Variants in SLC4A4 observed in about 807,000 individuals in gnomAD.
SLC4A4 encodes electrogenic sodium bicarbonate cotransporter 1.
SLC4A4 carries 27 observed loss-of-function variants against 111.5 expected under a neutral mutation model. That is an observed-to-expected ratio of 0.24 (90% CI 0.18 to 0.33). SLC4A4 has a LOEUF of 0.33. SLC4A4 is among the 10% of genes least tolerant of loss of function. The pLI is 1.00. For synonymous variants in SLC4A4, 443 were observed against 463.4 expected (o/e 0.96, Z 0.57); for missense variants, 909 against 1,315.5 (o/e 0.69, Z 4.78).
At chr4:71,432,074 T>G (rs900506262) in intron 7 of SLC4A4, among the ~76,000 whole-genome samples, 1 of 152,146 alleles carries the variant, frequency 6.6e-6, no homozygotes, top group Admixed American at 6.5e-5. Flanking sequence ...ACTTATGAAG[T>G]TCCCAAGGAA....
At chr4:71,451,733 G>C (rs1333329654) in intron 11 of SLC4A4, among the ~76,000 whole-genome samples, 8 of 152,074 alleles carry the variant, frequency 5.3e-5, no homozygotes, top group Non-Finnish European at 8.8e-5. Flanking sequence ...CAGAGTGCCT[G>C]GTGTGTGACA....
rs750078946 is a variant in SLC4A4, at chr4:71,255,340, C to T, written c.194C>T (p.Ser65Phe). The change falls in exon 3 of 26, where the codon TCT becomes TTT. Residue 65 changes from serine to phenylalanine, a missense_variant. Ser to Phe is a radical substitution (Grantham distance 155). Coordinates refer to ENST00000264485, the MANE Select transcript of SLC4A4 (RefSeq NM_001098484.3). ...AAGGAGAGAATCTCTGAGAACTACT[C>T]TGACAAATCAGATATTGAAAATGCT... ...KEKERISENY[S>F]DKSDIENADE... 1.9e-5 allele frequency: 30 copies of T among 1,613,476 alleles called. No individual in the cohort carries two copies. Among genetic ancestry groups the T allele is most frequent in the Non-Finnish European group, 2.5e-5 (29 of 1,179,638 alleles).
At chr4:71,567,483 G>A (rs1737590448) in intron 25 of SLC4A4, among the ~76,000 whole-genome samples, 1 of 151,658 alleles carries the variant, frequency 6.6e-6, no homozygotes, top group South Asian at 2.1e-4. Flanking sequence ...TATTATGTCA[G>A]TCTTTTTGTC....
At chr4:71,472,408 A>C (rs1032790864) in intron 13 of SLC4A4, among the ~76,000 whole-genome samples, 4 of 152,078 alleles carry the variant, frequency 2.6e-5, no homozygotes, top group Admixed American at 6.6e-5. Flanking sequence ...TATAAACTCT[A>C]TGAAGGTAGG....
chr4:71,103,515 T>G (rs1742821334), intron 2 of SLC4A4, among the ~76,000 whole-genome samples: 1 of 152,108 alleles, frequency 6.6e-6, no homozygotes, highest in African/African-American at 2.4e-5. Context: ...GACCACATAC[T>G]TGGAAGTAAA....
chr4:71,455,025 G>A (rs558406657), intron 12 of SLC4A4, among the ~76,000 whole-genome samples: 6 of 152,270 alleles, frequency 3.9e-5, no homozygotes, highest in African/African-American at 1.2e-4. Flanking sequence ...TTCTCACAGT[G>A]GGGGGACTGT....
chr4:71,250,814 T>A (rs1013933984), intron 2 of SLC4A4, among the ~76,000 whole-genome samples: 17 of 152,184 alleles, frequency 1.1e-4, no homozygotes, highest in Admixed American at 3.3e-4. Flanking sequence ...ACTGTACTAG[T>A]CTTGATACTG....
chr4:71,282,726 G>C (rs1419368899), intron 3 of SLC4A4, among the ~76,000 whole-genome samples: 13 of 151,812 alleles, frequency 8.6e-5, no homozygotes, highest in Non-Finnish European at 1.9e-4. Context: ...GGGACCACAG[G>C]TGTGTGCCAC....
intron 1 of SLC4A4, among the ~76,000 whole-genome samples, chr4:71,064,396 C>G (rs1354559787): frequency 6.6e-6 from 1 of 152,160 alleles, no homozygotes; most frequent in Non-Finnish European, 1.5e-5. Flanking sequence ...TAATATTCCA[C>G]AGTTGCTGCA....
At chr4:71,116,048 C>T (rs78792535) in intron 2 of SLC4A4, among the ~76,000 whole-genome samples, 11 of 152,254 alleles carry the variant, frequency 7.2e-5, no homozygotes, top group Admixed American at 2.0e-4. Context: ...GCACACACCA[C>T]GACGCCTGGC....
At chr4:71,505,777 C>G (rs1018468120) in intron 16 of SLC4A4, among the ~76,000 whole-genome samples, 1 of 152,044 alleles carries the variant, frequency 6.6e-6, no homozygotes, top group African/African-American at 2.4e-5. Flanking sequence ...TGCCTGTGTC[C>G]TGAACGGTAT....
intron 1 of SLC4A4, among the ~76,000 whole-genome samples, chr4:71,220,436 C>T (rs767804641): frequency 3.3e-5 from 5 of 152,056 alleles, no homozygotes; most frequent in African/African-American, 4.8e-5. Context: ...GGAGTGGAAC[C>T]GAACCTGCAA....
Position 71,567,066 on chromosome 4 carries a change from G to T in SLC4A4, c.*19G>T, listed in dbSNP as rs1483692546. On this transcript the variant is annotated 3_prime_UTR_variant, in exon 25 of 26. Coordinates refer to ENST00000264485, the MANE Select transcript of SLC4A4 (RefSeq NM_001098484.3). The stretch of plus-strand genomic sequence containing the variant: ...ATGCTGATAAAATTCCTTTCCTTCA[G>T]TCACTCGGTATGCCAAGGTAAAGGA... 3 of 1,609,334 alleles carry T rather than the reference G, an allele frequency of 1.9e-6. No individual in the cohort carries two copies. Among genetic ancestry groups the T allele is most frequent in the Non-Finnish European group, 8.5e-7 (1 of 1,177,184 alleles).
At chr4:71,426,161 A>C (rs974053537) in intron 7 of SLC4A4, among the ~76,000 whole-genome samples, 2 of 152,016 alleles carry the variant, frequency 1.3e-5, no homozygotes, top group Non-Finnish European at 2.9e-5. Context: ...AAAAGTCTTA[A>C]AATCTCTGTT....
At position 71,451,182 on chromosome 4, in the gene SLC4A4, G is replaced by C; in HGVS notation, c.1209-6G>C. 1 of 1,560,792 alleles carries C rather than the reference G, an allele frequency of 6.4e-7. No individual in the cohort carries two copies. The highest frequency in any genetic ancestry group is 8.8e-7 in the Non-Finnish European group (1 of 1,131,356). ...ATATACTCTTGGGCTCTGTTGTCTT[G>C]CTTAGAAAGAATATGTACTCAGGTG... On this transcript the variant is annotated splice_polypyrimidine_tract_variant and splice_region_variant and intron_variant, in intron 10 of 25. Coordinates refer to ENST00000264485, the MANE Select transcript of SLC4A4 (RefSeq NM_001098484.3).
At chr4:71,185,901 AAC>A (rs10554138), upstream of SLC4A4, among the ~76,000 whole-genome samples, 16,314 of 152,108 alleles carry the variant, frequency 0.11, 1,534 homozygotes, top group African/African-American at 0.25. Context: ...TACTGTTGAA[AAC>A]ACAGTTTGGT....
At chr4:71,545,018 C>T (rs541800961) in intron 18 of SLC4A4, among the ~76,000 whole-genome samples, 24 of 152,114 alleles carry the variant, frequency 1.6e-4, no homozygotes, top group African/African-American at 4.6e-4. Context: ...TTTATTTCAG[C>T]TCATCCCACC....
intron 2 of SLC4A4, among the ~76,000 whole-genome samples, chr4:71,242,331 ATGT>A (rs1400786534): frequency 1.3e-5 from 2 of 152,170 alleles, no homozygotes; most frequent in Non-Finnish European, 2.9e-5. Flanking sequence ...TTAGTGAGAC[ATGT>A]TGTTTGATAT....
At chr4:71,429,972 A>G (rs1723491543) in intron 7 of SLC4A4, among the ~76,000 whole-genome samples, 1 of 151,978 alleles carries the variant, frequency 6.6e-6, no homozygotes, top group Admixed American at 6.6e-5. Flanking sequence ...TTCACAGTTT[A>G]TTGTGTAAGC....
Sources: allele counts gnomAD v4.1 joint callset (sites outside exome capture counted in the v4.1 genomes callset), GRCh38; gene constraint gnomAD v4.1.1; transcripts MANE v1.5; gene names NCBI Gene and HGNC (gene_info 2026-07-23, HGNC 2026-07-21).